LOC400499: variants seen among roughly 807,000 people sequenced by gnomAD.
chr16:11,524,373 C>G, the LOC400499 span, among the ~76,000 whole-genome samples: 44 of 127,830 alleles, frequency 3.4e-4, no homozygotes, highest in African/African-American at 1.6e-3. Flanking sequence ...CACCCACCCT[C>G]TCCTGTCTCC....
At chr16:11,477,322 G>A in the LOC400499 span, among the ~76,000 whole-genome samples, 5 of 152,230 alleles carry the variant, frequency 3.3e-5, no homozygotes, top group African/African-American at 1.2e-4. Flanking sequence ...CAGCTCAGCT[G>A]AGGGGCTGGG....
At chr16:11,519,434 T>A in the LOC400499 span, among the ~76,000 whole-genome samples, 1 of 151,864 alleles carries the variant, frequency 6.6e-6, no homozygotes, top group Non-Finnish European at 1.5e-5. Flanking sequence ...AATAACTGAT[T>A]TCACTGTTTA....
chr16:11,506,276 C>T, the LOC400499 span, among the ~76,000 whole-genome samples: 9 of 152,176 alleles, frequency 5.9e-5, no homozygotes, highest in Non-Finnish European at 7.3e-5. Context: ...CTGCCCGCCT[C>T]AGCCTCCCAA....
At chr16:11,495,808 A>G in the LOC400499 span, among the ~76,000 whole-genome samples, 1 of 152,248 alleles carries the variant, frequency 6.6e-6, no homozygotes, top group Non-Finnish European at 1.5e-5. Flanking sequence ...GGAAGCTGAG[A>G]CACAGAAAGG....
the LOC400499 span, among the ~76,000 whole-genome samples, chr16:11,476,217 G>C: frequency 6.6e-6 from 1 of 151,960 alleles, no homozygotes; most frequent in Non-Finnish European, 1.5e-5. Context: ...GAGGGAGATG[G>C]GCAGAGTCCC....
chr16:11,487,879 C>A, the LOC400499 span, among the ~76,000 whole-genome samples: 2 of 151,960 alleles, frequency 1.3e-5, no homozygotes, highest in Non-Finnish European at 2.9e-5. Context: ...TTTGGGAGGC[C>A]GAGGTAGGCA....
the LOC400499 span, among the ~76,000 whole-genome samples, chr16:11,453,820 A>T: frequency 2.0e-5 from 3 of 152,154 alleles, no homozygotes; most frequent in Admixed American, 6.5e-5. Context: ...AAGAAAAAGA[A>T]AAAAAGAAAA....
chr16:11,477,460 A>C, the LOC400499 span, among the ~76,000 whole-genome samples: 3 of 152,174 alleles, frequency 2.0e-5, no homozygotes, highest in African/African-American at 7.2e-5. Flanking sequence ...CTCATCTGTC[A>C]GTGGGAATAA....
the LOC400499 span, among the ~76,000 whole-genome samples, chr16:11,503,108 G>A: frequency 6.7e-6 from 1 of 148,604 alleles, no homozygotes; most frequent in Non-Finnish European, 1.5e-5. Context: ...ATTTTTCATA[G>A]AGATGAGGTT....
At chr16:11,459,885 GC>G in the LOC400499 span, 1 of 1,368,316 alleles carries the variant, frequency 7.3e-7, no homozygotes. Context: ...TGCCGCAGTG[GC>G]CAGGCTCACC....
At chr16:11,407,987 T>G in the LOC400499 span, among the ~76,000 whole-genome samples, 3 of 143,122 alleles carry the variant, frequency 2.1e-5, no homozygotes, top group East Asian at 2.1e-4. Context: ...TTTTTTTTTT[T>G]TTTTTTTTTT....
chr16:11,437,552 C>T, the LOC400499 span, among the ~76,000 whole-genome samples: 1 of 152,038 alleles, frequency 6.6e-6, no homozygotes, highest in African/African-American at 2.4e-5. Flanking sequence ...GAGTAAGACC[C>T]TGTCTTAAAA....
the LOC400499 span, among the ~76,000 whole-genome samples, chr16:11,520,183 G>A: frequency 0.018 from 2,734 of 152,274 alleles, 36 homozygotes; most frequent in Non-Finnish European, 0.026. Context: ...GTTGTACAAC[G>A]ATGTGAAAGT....
chr16:11,499,738 CTG>C, the LOC400499 span, among the ~76,000 whole-genome samples: 1 of 152,298 alleles, frequency 6.6e-6, no homozygotes, highest in African/African-American at 2.4e-5. Flanking sequence ...CTGGCACCAG[CTG>C]TGTCTTCACT....
At chr16:11,516,786 C>G in the LOC400499 span, among the ~76,000 whole-genome samples, 16 of 152,098 alleles carry the variant, frequency 1.1e-4, no homozygotes, top group Non-Finnish European at 2.2e-4. Context: ...GCTGGGACCA[C>G]AGACATATGG....
the LOC400499 span, among the ~76,000 whole-genome samples, chr16:11,384,596 CCCTT>C: frequency 6.6e-6 from 1 of 152,228 alleles, no homozygotes; most frequent in African/African-American, 2.4e-5. Context: ...GGAATCCAGG[CCCTT>C]CCTTTGTGTT....
the LOC400499 span, chr16:11,402,264 C>A: frequency 2.5e-6 from 1 of 398,470 alleles, no homozygotes; most frequent in East Asian, 3.6e-5. Context: ...TGCCAGCTCA[C>A]GCAAATGGCC....
the LOC400499 span, chr16:11,402,236 G>A: frequency 5.0e-6 from 2 of 398,696 alleles, no homozygotes; most frequent in African/African-American, 4.1e-5. Context: ...GGGGTTCAGG[G>A]GACTCAACTG....
At chr16:11,397,781 G>GGATGGAT in the LOC400499 span, among the ~76,000 whole-genome samples, 690 of 109,250 alleles carry the variant, frequency 6.3e-3, 14 homozygotes, top group African/African-American at 0.02. Flanking sequence ...GATGGAGGGA[G>GGATGGAT]GGAGGGAGGG....
Sources: gnomAD v4.1 joint callset for allele counts (sites outside exome capture counted in the v4.1 genomes callset) on GRCh38, gnomAD v4.1.1 for gene constraint, MANE v1.5 for transcripts.